Variants in MICAL2 observed in about 807,000 individuals in gnomAD.
MICAL2 encodes the protein microtubule associated monooxygenase, calponin and LIM domain containing 2.
MICAL2 carries 77 observed loss-of-function variants against 127.3 expected under a neutral mutation model. That is an observed-to-expected ratio of 0.60 (90% CI 0.50 to 0.73). The LOEUF is 0.73. Among genes scored for constraint, MICAL2 ranks in the 30% least tolerant of loss-of-function variants. MICAL2 has a pLI of 0.00. For synonymous variants in MICAL2, 570 were observed against 551.1 expected, an observed-to-expected ratio of 1.03 and a Z score of -0.48; for missense variants, 1,351 against 1,434.4, an observed-to-expected ratio of 0.94 and a Z score of 0.94.
chr11:12,116,553 G>A (rs1272668343), intron 1 of MICAL2: 1 of 152,030 alleles, frequency 6.6e-6, no homozygotes, highest in Admixed American at 6.6e-5. Flanking sequence ...TCTAGTTTCT[G>A]TTTTCCTCCC....
At chr11:12,281,374 CA>C (rs1413102482) in intron 2 of MICAL2, among the ~76,000 whole-genome samples, 3 of 152,176 alleles carry the variant, frequency 2.0e-5, no homozygotes, top group African/African-American at 7.2e-5. Flanking sequence ...TGGCAGGGAT[CA>C]GGGGCCCGCA....
chr11:12,264,144 C>T (rs1027198608), downstream of MICAL2, among the ~76,000 whole-genome samples: 2 of 152,166 alleles, frequency 1.3e-5, no homozygotes, highest in Admixed American at 6.5e-5. Flanking sequence ...CGTGGCTCTA[C>T]AGGAGAGCTT....
At chr11:12,133,664 G>A (rs1398019142) in intron 1 of MICAL2, among the ~76,000 whole-genome samples, 6 of 152,208 alleles carry the variant, frequency 3.9e-5, no homozygotes, top group Admixed American at 2.0e-4. Context: ...AGGAGATGAT[G>A]TTTTACAGCC....
intron 32 of MICAL2, among the ~76,000 whole-genome samples, chr11:12,328,469 A>C (rs1269065453): frequency 6.6e-6 from 1 of 152,194 alleles, no homozygotes; most frequent in African/African-American, 2.4e-5. Context: ...GTTTTGGCAG[A>C]GGGAACAGCA....
At chr11:12,155,549 C>T (rs187508348) in intron 2 of MICAL2, among the ~76,000 whole-genome samples, 4 of 152,300 alleles carry the variant, frequency 2.6e-5, no homozygotes, top group East Asian at 1.9e-4. Flanking sequence ...CATATGCACA[C>T]ACATACATAC....
chr11:12,243,480 TCTC>T (rs1420258975), intron 20 of MICAL2: 2 of 159,372 alleles, frequency 1.3e-5, no homozygotes, highest in African/African-American at 4.8e-5. Flanking sequence ...TTTCACTTAG[TCTC>T]CTCTTCTGCT....
intron 9 of MICAL2, among the ~76,000 whole-genome samples, chr11:12,220,977 T>C (rs1236017058): frequency 1.3e-5 from 2 of 152,264 alleles, no homozygotes; most frequent in East Asian, 3.8e-4. Context: ...GTTTTCTCTT[T>C]AGTGTGAGCA....
At chr11:12,183,035 G>A (rs1857676388) in intron 3 of MICAL2, among the ~76,000 whole-genome samples, 2 of 152,122 alleles carry the variant, frequency 1.3e-5, no homozygotes. Context: ...GTTCTTAGAT[G>A]GAAAATGCAG....
chr11:12,164,951 A>C (rs1472725986), intron 3 of MICAL2, among the ~76,000 whole-genome samples: 1 of 152,132 alleles, frequency 6.6e-6, no homozygotes, highest in Non-Finnish European at 1.5e-5. Context: ...CCTGGCCAAC[A>C]TGGTGAAACC....
At chr11:12,286,546 G>C (rs1374702192) in intron 2 of MICAL2, among the ~76,000 whole-genome samples, 4 of 152,176 alleles carry the variant, frequency 2.6e-5, no homozygotes, top group Non-Finnish European at 4.4e-5. Context: ...GGCATTCTCT[G>C]AGGGTGGTAC....
chr11:12,346,572 GCAA>G (rs1938958423), intron 32 of MICAL2, among the ~76,000 whole-genome samples: 2 of 152,018 alleles, frequency 1.3e-5, no homozygotes, highest in African/African-American at 4.8e-5. Flanking sequence ...CCTCTCCCTG[GCAA>G]ACTCTGTCAT....
chr11:12,205,948 C>T (rs941023554), intron 4 of MICAL2, among the ~76,000 whole-genome samples: 3 of 152,130 alleles, frequency 2.0e-5, no homozygotes, highest in Non-Finnish European at 4.4e-5. Context: ...AGGAATGAGG[C>T]TTGGGCGGGA....
At chr11:12,198,870 A>C (rs1860288694) in intron 3 of MICAL2, among the ~76,000 whole-genome samples, 1 of 152,224 alleles carries the variant, frequency 6.6e-6, no homozygotes, top group Non-Finnish European at 1.5e-5. Flanking sequence ...GCGGAAGCAC[A>C]TGAAGCTCAG....
At chr11:12,353,407 CCT>C (rs1939083829) in intron 33 of MICAL2, among the ~76,000 whole-genome samples, 1 of 152,252 alleles carries the variant, frequency 6.6e-6, no homozygotes, top group African/African-American at 2.4e-5. Context: ...TCCCTGGCTA[CCT>C]TTTTTGTTTG....
chr11:12,356,135 C>CT (rs1245501546), intron 34 of MICAL2, among the ~76,000 whole-genome samples: 1 of 152,092 alleles, frequency 6.6e-6, no homozygotes. Flanking sequence ...ACCTTTGATT[C>CT]TTTTTAAAAA....
intron 2 of MICAL2, chr11:12,161,755 C>G (rs531355240): frequency 1.9e-5 from 4 of 207,054 alleles, no homozygotes; most frequent in East Asian, 2.3e-4. Flanking sequence ...TTCCTAGTCA[C>G]TATTTGCAGA....
At chr11:12,278,977 T>C (rs1464028747) in intron 1 of MICAL2, among the ~76,000 whole-genome samples, 1 of 152,186 alleles carries the variant, frequency 6.6e-6, no homozygotes, top group Non-Finnish European at 1.5e-5. Flanking sequence ...ATGGTGATTT[T>C]AGAGGCTATT....
At chr11:12,278,775 C>T (rs981698078) in intron 1 of MICAL2, among the ~76,000 whole-genome samples, 1 of 152,070 alleles carries the variant, frequency 6.6e-6, no homozygotes, top group Non-Finnish European at 1.5e-5. Context: ...CAGAATTTTT[C>T]CAGAGTGACT....
chr11:12,216,472 A>C lies in MICAL2; in HGVS notation c.948+153A>C. On this transcript the variant is annotated intron_variant, in intron 8 of 27. Coordinates refer to ENST00000683283, the MANE Select transcript of MICAL2 (RefSeq NM_001282663.2). ...ACACCCTTCTTTTTCTTGGTGTTACATGAGTATTGGATAAAGGAGCCCACG... is the reference window on the plus strand; with the variant it reads ...ACACCCTTCTTTTTCTTGGTGTTACCTGAGTATTGGATAAAGGAGCCCACG... 1.4e-5 allele frequency: 9 copies of C among 640,538 alleles called. No homozygotes were observed. In the South Asian group the frequency reaches 1.7e-4, roughly 12 times the overall value. The allele number at this position is 640,538 out of a possible 1,614,324, so 39.7% of individuals were successfully genotyped here. A position where few individuals can be genotyped will look rare whatever the true frequency, so the allele number is the denominator to read the frequency against.
Sources: allele counts gnomAD v4.1 joint callset (sites outside exome capture counted in the v4.1 genomes callset), GRCh38; gene constraint gnomAD v4.1.1; transcripts MANE v1.5; gene names NCBI Gene and HGNC (gene_info 2026-07-23, HGNC 2026-07-21).